The following ARSG variants were observed in gnomAD, a reference collection of about 807,000 sequenced individuals.
The protein encoded by ARSG is ASG.
ARSG carries 37 observed loss-of-function variants against 50.5 expected under a neutral mutation model. The observed-to-expected ratio is 0.73, with a 90% CI of 0.56 to 0.96. ARSG has a LOEUF of 0.96. Among genes scored for constraint, ARSG ranks in the 50% least tolerant of loss-of-function variants. The probability of loss-of-function intolerance (pLI) is 0.00; values close to 1 mark genes in which losing one functional copy is unlikely to be tolerated. For missense variants in ARSG, 629 were observed against 675.3 expected, an observed-to-expected ratio of 0.93 and a Z score of 0.76; for synonymous variants, 225 against 254.6, an observed-to-expected ratio of 0.88 and a Z score of 1.11.
At chr17:68,390,500 G>A (rs8080320) in intron 9 of ARSG, among the ~76,000 whole-genome samples, 2,465 of 152,162 alleles carry the variant, frequency 0.016, 70 homozygotes, top group African/African-American at 0.055. Flanking sequence ...CTGTTATCAC[G>A]AGTGGGTTCA....
In ARSG at chr17:68,274,109, G is replaced by C. The variant is rs199620287; in HGVS notation, c.-552+14683G>C. 265 of 1,599,546 alleles carry C rather than the reference G, an allele frequency of 1.7e-4. 2 individuals carry two copies. The Admixed American group carries it at 1.9e-3, about 11-fold the overall frequency. On this transcript the variant is annotated intron_variant, in intron 1 of 11. Coordinates refer to the ARSG transcript ENST00000448504. ...ACAAAACGATATTTTAACTCACAGA[G>C]GCTTCAGGGTTAGCTGCCATAAGAC...
intron 9 of ARSG, among the ~76,000 whole-genome samples, chr17:68,392,341 T>A (rs925176158): frequency 1.3e-5 from 2 of 151,986 alleles, no homozygotes; most frequent in Non-Finnish European, 2.9e-5. Flanking sequence ...ATAGGTAGAG[T>A]AACCTTGCAC....
At chr17:68,260,757 T>A (rs1555745037) in intron 1 of ARSG, among the ~76,000 whole-genome samples, 1 of 152,108 alleles carries the variant, frequency 6.6e-6, no homozygotes, top group African/African-American at 2.4e-5. Context: ...CCTCCCAAAG[T>A]GCTGGGATTA....
In ARSG at chr17:68,351,642, C is replaced by G; in HGVS notation, c.522C>G (p.Asn174Lys). The change falls in exon 5 of 12, where the codon AAC becomes AAG. Residue 174 changes from asparagine to lysine, a missense_variant. Coordinates refer to ENST00000621439, the MANE Select transcript of ARSG (RefSeq NM_001267727.2). ...GCTGTACTGATACTCCAGGCTACAA[C>G]CACCCTCCTTGTCCAGCGTGTCCAC... The part of the protein sequence containing the change: ...DMGCTDTPGY[N>K]HPPCPACPQG... 6.2e-7 allele frequency: 1 copy of G among 1,613,912 alleles called. No homozygotes were observed. Among genetic ancestry groups the G allele is most frequent in the Non-Finnish European group, 8.5e-7 (1 of 1,179,872 alleles).
intron 2 of ARSG, among the ~76,000 whole-genome samples, chr17:68,339,904 C>A (rs1259865847): frequency 6.6e-6 from 1 of 152,186 alleles, no homozygotes; most frequent in East Asian, 1.9e-4. Context: ...ACACTCTGAA[C>A]AACCACTCCC....
At chr17:68,300,090 C>A (rs115574100) in intron 1 of ARSG, among the ~76,000 whole-genome samples, 62 of 152,218 alleles carry the variant, frequency 4.1e-4, no homozygotes, top group African/African-American at 1.5e-3. Flanking sequence ...CAGGCACATG[C>A]CACCATATCC....
the ARSG span, among the ~76,000 whole-genome samples, chr17:68,439,011 G>A: frequency 6.6e-6 from 1 of 152,208 alleles, no homozygotes; most frequent in Admixed American, 6.5e-5. Flanking sequence ...AGGATATGGA[G>A]AAACTGGGAT....
At chr17:68,387,098 CACACACACACACACACACACAT>C in intron 9 of ARSG, among the ~76,000 whole-genome samples, 1 of 151,656 alleles carries the variant, frequency 6.6e-6, no homozygotes, top group South Asian at 2.1e-4. Context: ...CACACACACA[CACACACACACACACACACACAT>C]ACCTTTTATT....
upstream of ARSG, among the ~76,000 whole-genome samples, chr17:68,287,425 G>A (rs782303568): frequency 8.6e-5 from 13 of 151,986 alleles, no homozygotes; most frequent in Non-Finnish European, 1.5e-4. Flanking sequence ...CTCCCAAAGT[G>A]ATAGTATTAA....
rs1286360335 is a variant in ARSG at position 68,420,752 on chromosome 17, C to T, written c.*289C>T. On this transcript the variant is annotated 3_prime_UTR_variant, in exon 12 of 12. Coordinates refer to ENST00000621439, the MANE Select transcript of ARSG (RefSeq NM_001267727.2). Reference sequence around the variant, plus strand: ...CTTTTGAACTTGGGCAATTGTTTAACCTAACCTGCAAGTTGATTTTGAGGG... The same window carrying T: ...CTTTTGAACTTGGGCAATTGTTTAATCTAACCTGCAAGTTGATTTTGAGGG... 1 of 420,892 alleles carries T rather than the reference C, an allele frequency of 2.4e-6. No homozygotes were observed. Among genetic ancestry groups the T allele is most frequent in the Admixed American group, 4.1e-5 (1 of 24,544 alleles). The allele number at this position is 420,892 out of a possible 1,614,324, so 26.1% of individuals were successfully genotyped here. A position where few individuals can be genotyped will look rare whatever the true frequency, so the allele number is the denominator to read the frequency against.
intron 1 of ARSG, among the ~76,000 whole-genome samples, chr17:68,299,960 A>G (rs140076995): frequency 0.039 from 5,677 of 145,328 alleles, 378 homozygotes; most frequent in African/African-American, 0.14. Context: ...TTTTTAAGAG[A>G]CAGGGTCTTG....
intron 2 of ARSG, among the ~76,000 whole-genome samples, chr17:68,317,478 T>TTG (rs1459377348): frequency 6.6e-6 from 1 of 151,964 alleles, no homozygotes; most frequent in Non-Finnish European, 1.5e-5. Context: ...TTTTTTTTTT[T>TTG]GTATGTGAAA....
chr17:68,323,086 T>A lies in ARSG; in HGVS notation c.218+15375T>A, dbSNP rs1302538347. Among the ~76,000 whole-genome samples, 4 of 152,000 alleles carry A rather than the reference T, an allele frequency of 2.6e-5. No homozygotes were observed. In the East Asian group the frequency reaches 7.7e-4, roughly 29 times the overall value. On this transcript the variant is annotated intron_variant, in intron 2 of 11. Coordinates refer to ENST00000621439, the MANE Select transcript of ARSG (RefSeq NM_001267727.2). Reference sequence around the variant, plus strand: ...TTATCATCCTAATTATTGGAAGACATGGAGGGTCTGGGAGGAGAACTGGTT... The same window carrying A: ...TTATCATCCTAATTATTGGAAGACAAGGAGGGTCTGGGAGGAGAACTGGTT...
chr17:68,335,124 G>A (rs2077956559), intron 2 of ARSG, among the ~76,000 whole-genome samples: 1 of 152,116 alleles, frequency 6.6e-6, no homozygotes, highest in Non-Finnish European at 1.5e-5. Flanking sequence ...AGCCCCCCAA[G>A]TAGCTGGGAC....
intron 10 of ARSG, among the ~76,000 whole-genome samples, chr17:68,397,147 A>G (rs1271143750): frequency 6.6e-6 from 1 of 152,168 alleles, no homozygotes; most frequent in Non-Finnish European, 1.5e-5. Flanking sequence ...AGTTTTGCGC[A>G]GGCTCGTAGA....
chr17:68,450,976 G>T, the ARSG span: 1 of 1,516,534 alleles, frequency 6.6e-7, no homozygotes, highest in South Asian at 1.3e-5. Context: ...CACTGGGCCC[G>T]GCGCAGGCCA....
At chr17:68,370,409 G>C in intron 7 of ARSG, 35 bp from the exon 8 acceptor site, 2 of 1,608,368 alleles carry the variant, frequency 1.2e-6, no homozygotes, top group Non-Finnish European at 1.7e-6. Flanking sequence ...TGTCCAACCA[G>C]CCTGGTGACC....
At chr17:68,418,227 TG>T (rs1382789138) in intron 11 of ARSG, among the ~76,000 whole-genome samples, 1 of 152,208 alleles carries the variant, frequency 6.6e-6, no homozygotes, top group Non-Finnish European at 1.5e-5. Flanking sequence ...TTGTTTTCAC[TG>T]GCAGCTAATC....
At chr17:68,275,487 A>G (rs1299145488) in intron 1 of ARSG, among the ~76,000 whole-genome samples, 1 of 152,192 alleles carries the variant, frequency 6.6e-6, no homozygotes, top group Non-Finnish European at 1.5e-5. Flanking sequence ...CTAGAATAAT[A>G]GCATTTGGAA....
Sources: gnomAD v4.1 joint callset for allele counts (sites outside exome capture counted in the v4.1 genomes callset) on GRCh38, gnomAD v4.1.1 for gene constraint, MANE v1.5 for transcripts, NCBI Gene and HGNC (gene_info 2026-07-23, HGNC 2026-07-21) for gene names.